The following NSRP1 variants were observed in gnomAD, a reference collection of about 807,000 sequenced individuals.
NSRP1 encodes coiled-coil domain containing 55.
Under a neutral mutation model 54.7 loss-of-function variants are expected in NSRP1, and 24 were observed. The observed-to-expected ratio is 0.44, with a 90% CI of 0.32 to 0.62. The LOEUF is 0.62. NSRP1 is among the 20% of genes least tolerant of loss of function. The probability of loss-of-function intolerance (pLI) is 0.06; values close to 1 mark genes in which losing one functional copy is unlikely to be tolerated. For synonymous variants in NSRP1, 210 were observed against 213.8 expected, an observed-to-expected ratio of 0.98 and a Z score of 0.15; for missense variants, 596 against 651.2, an observed-to-expected ratio of 0.92 and a Z score of 0.92.
intron 2 of NSRP1, among the ~76,000 whole-genome samples, chr17:30,126,540 A>G (rs1325558231): frequency 1.3e-5 from 2 of 152,174 alleles, no homozygotes; most frequent in Non-Finnish European, 2.9e-5. Context: ...TTGTCACTGT[A>G]CTAGATAAAG....
At chr17:30,139,050 T>C (rs1421296607) in intron 2 of NSRP1, among the ~76,000 whole-genome samples, 2 of 149,298 alleles carry the variant, frequency 1.3e-5, no homozygotes, top group African/African-American at 2.5e-5. Flanking sequence ...CCCGAGTAGC[T>C]GGGACTATAG....
chr17:30,122,349 TTTC>T lies in NSRP1; in HGVS notation c.114+4177_114+4179del, dbSNP rs1311447004. On this transcript the variant is annotated intron_variant, in intron 2 of 6. Transcript: ENST00000247026. ...TTTCTGGTTCATATGATAACTCTGG[TTTC>T]ATATATATATATATATATATATATA... is the stretch of plus-strand genomic sequence containing the variant. 2.4e-3 allele frequency: 173 copies of T among 72,302 alleles called. 5 individuals carry two copies. Among genetic ancestry groups the T allele is most frequent in the African/African-American group, 9.3e-3 (163 of 17,602 alleles). The allele number at this position is 72,302 out of a possible 1,614,324, so 4.5% of individuals were successfully genotyped here. A position where few individuals can be genotyped will look rare whatever the true frequency, so the allele number is the denominator to read the frequency against.
At chr17:30,161,471 C>A (rs1904513253) in intron 2 of NSRP1, among the ~76,000 whole-genome samples, 1 of 151,824 alleles carries the variant, frequency 6.6e-6, no homozygotes, top group South Asian at 2.1e-4. Context: ...AAATTTTTAC[C>A]CTGTTGCTTT....
chr17:30,164,728 G>A (rs1181426062), intron 2 of NSRP1, among the ~76,000 whole-genome samples: 1 of 152,114 alleles, frequency 6.6e-6, no homozygotes, highest in East Asian at 1.9e-4. Context: ...AGCCCGGGAG[G>A]TCGAGGCTGC....
intron 2 of NSRP1, among the ~76,000 whole-genome samples, chr17:30,125,446 A>C (rs577289788): frequency 5.3e-4 from 81 of 152,334 alleles, no homozygotes; most frequent in African/African-American, 1.7e-3. Context: ...GTGGTCCAGC[A>C]GAGGGAGCCC....
intron 2 of NSRP1, among the ~76,000 whole-genome samples, chr17:30,161,792 C>G (rs1290261867): frequency 2.6e-5 from 4 of 152,120 alleles, no homozygotes; most frequent in Admixed American, 2.6e-4. Context: ...AATGATCTCT[C>G]TGTAACATTT....
chr17:30,130,573 A>G (rs1160727217), intron 2 of NSRP1, among the ~76,000 whole-genome samples: 2 of 152,190 alleles, frequency 1.3e-5, no homozygotes, highest in African/African-American at 2.4e-5. Context: ...TATTTCTACA[A>G]TAACAATTTA....
chr17:30,184,322 A>T (rs1381691643), intron 6 of NSRP1, among the ~76,000 whole-genome samples: 1 of 152,248 alleles, frequency 6.6e-6, no homozygotes, highest in East Asian at 1.9e-4. Context: ...AGGCTTACCA[A>T]AAAATGAAGA....
chr17:30,135,221 C>G (rs562360651), intron 2 of NSRP1, among the ~76,000 whole-genome samples: 1 of 151,972 alleles, frequency 6.6e-6, no homozygotes, highest in South Asian at 2.1e-4. Flanking sequence ...AGGACTCAAG[C>G]GATCCTCCCG....
chr17:30,176,318 A>G (rs1905124565), intron 3 of NSRP1, among the ~76,000 whole-genome samples: 1 of 152,166 alleles, frequency 6.6e-6, no homozygotes, highest in Non-Finnish European at 1.5e-5. Flanking sequence ...TCATCAGTTT[A>G]AAACAGCCCT....
At chr17:30,148,400 T>C (rs906535310) in intron 2 of NSRP1, among the ~76,000 whole-genome samples, 13 of 152,180 alleles carry the variant, frequency 8.5e-5, no homozygotes, top group Non-Finnish European at 2.9e-5. Flanking sequence ...CTGTAGGATT[T>C]TAATTTATGG....
At chr17:30,151,878 G>T (rs189900906) in intron 2 of NSRP1, among the ~76,000 whole-genome samples, 394 of 149,962 alleles carry the variant, frequency 2.6e-3, no homozygotes, top group Non-Finnish European at 4.9e-3. Context: ...CGCCTCCTAG[G>T]TTCAAGTGAT....
intron 2 of NSRP1, among the ~76,000 whole-genome samples, chr17:30,158,308 ATTT>A (rs35919418): frequency 7.5e-6 from 1 of 133,838 alleles, no homozygotes; most frequent in Non-Finnish European, 1.6e-5. Context: ...TTTTAATGGC[ATTT>A]TTTTTTTTTT....
intron 2 of NSRP1, among the ~76,000 whole-genome samples, chr17:30,157,132 C>T (rs1904337862): frequency 6.6e-6 from 1 of 152,184 alleles, no homozygotes; most frequent in Non-Finnish European, 1.5e-5. Context: ...GCTCCTTTTA[C>T]TCTGCATCCT....
chr17:30,153,930 A>G (rs574888173), intron 2 of NSRP1, among the ~76,000 whole-genome samples: 1 of 152,296 alleles, frequency 6.6e-6, no homozygotes, highest in South Asian at 2.1e-4. Context: ...ACACAGGTAA[A>G]AGATATTTTA....
chr17:30,118,260 G>A (rs2071561599), intron 2 of NSRP1, 87 bp downstream of exon 2: 1 of 1,033,722 alleles, frequency 9.7e-7, no homozygotes. Context: ...CTTTGCCTTT[G>A]TTATTTGTCA....
At chr17:30,163,971 C>T (rs1389891130) in intron 2 of NSRP1, among the ~76,000 whole-genome samples, 3 of 152,104 alleles carry the variant, frequency 2.0e-5, no homozygotes, top group Admixed American at 6.6e-5. Context: ...CAGGCATGAG[C>T]CACCGTACCC....
chr17:30,122,367 ATATATATATATATATATATTTTTTTTT>A (rs1872982694), intron 2 of NSRP1: 1 of 19,068 alleles, frequency 5.2e-5, no homozygotes, highest in African/African-American at 1.3e-4. Context: ...ATATATATAT[ATATATATATATATATATATTTTTTTTT>A]TTTTTTTTTT....
intron 2 of NSRP1, among the ~76,000 whole-genome samples, chr17:30,121,391 A>G (rs886746792): frequency 1.3e-5 from 2 of 151,322 alleles, no homozygotes; most frequent in Non-Finnish European, 2.9e-5. Flanking sequence ...TACCACAGAA[A>G]TAAGTAGGAC....
Sources: gnomAD v4.1 joint callset for allele counts (sites outside exome capture counted in the v4.1 genomes callset) on GRCh38, gnomAD v4.1.1 for gene constraint, MANE v1.5 for transcripts, NCBI Gene and HGNC (gene_info 2026-07-23, HGNC 2026-07-21) for gene names.